RELN: variants seen among roughly 807,000 people sequenced by gnomAD.
RELN encodes the protein reelin.
A neutral mutation model predicts 427.6 loss-of-function variants in RELN; 108 were observed. The ratio of observed to expected loss-of-function variants is 0.25; its 90% CI spans 0.22 to 0.30. The LOEUF is 0.30. Among genes scored for constraint, RELN ranks in the 10% least tolerant of loss-of-function variants. RELN has a pLI of 1.00. For synonymous variants in RELN, 1,524 were observed against 1,513.4 expected (o/e 1.01, Z -0.16); for missense variants, 3,715 against 4,302.8 (o/e 0.86, Z 3.82).
rs190342438 is a variant in RELN at position 103,921,903 on chromosome 7, A to T, written c.227-4718T>A. On this transcript the variant is annotated intron_variant, in intron 1 of 64. Coordinates refer to ENST00000428762, the MANE Select transcript of RELN (RefSeq NM_005045.4). ...GTTAAGGTATTCAGGTGCAGGTTCA[A>T]ATGTCATCTCTCTCATGCAGTCTGT... 1.3e-3 allele frequency among the ~76,000 whole-genome samples: 202 copies of T among 152,264 alleles called. 2 individuals carry two copies. The highest frequency in any genetic ancestry group is 0.012 in the Admixed American group (179 of 15,280).
At position 103,755,007 on chromosome 7, in the gene RELN, T is replaced by C. The variant is rs58681329; in HGVS notation, c.545-1793A>G. On this transcript the variant is annotated intron_variant, in intron 4 of 64. Coordinates refer to ENST00000428762, the MANE Select transcript of RELN (RefSeq NM_005045.4). ...TTAAGGCACTGTGCTAAGGAGTGTC[T>C]ATAGATGAACTCAGGGATTTTGGCC... is the stretch of plus-strand genomic sequence containing the variant. 2.1e-3 allele frequency among the ~76,000 whole-genome samples: 325 copies of C among 152,272 alleles called. 2 individuals are homozygous for C. The highest frequency in any genetic ancestry group is 7.5e-3 in the African/African-American group (312 of 41,534).
intron 24 of RELN, among the ~76,000 whole-genome samples, chr7:103,598,198 G>C (rs1013234275): frequency 2.0e-5 from 3 of 152,158 alleles, no homozygotes; most frequent in Non-Finnish European, 2.9e-5. Flanking sequence ...AAATAAACAA[G>C]GGTGCTAGCA....
intron 1 of RELN, among the ~76,000 whole-genome samples, chr7:103,977,307 T>A (rs1301802785): frequency 1.8e-5 from 1 of 56,068 alleles, no homozygotes; most frequent in African/African-American, 1.6e-4. Flanking sequence ...TGAGACTCTG[T>A]CTCAAAAAAA....
At chr7:103,912,131 G>C (rs1353578578) in intron 2 of RELN, among the ~76,000 whole-genome samples, 1 of 151,006 alleles carries the variant, frequency 6.6e-6, no homozygotes, top group Non-Finnish European at 1.5e-5. Context: ...AAATTACAAA[G>C]AAAAAATTCC....
chr7:103,585,321 T>G (rs985812216), intron 28 of RELN, among the ~76,000 whole-genome samples: 1 of 151,854 alleles, frequency 6.6e-6, no homozygotes, highest in African/African-American at 2.4e-5. Context: ...TTATGCAAGA[T>G]GAAAAGAGAG....
intron 8 of RELN, among the ~76,000 whole-genome samples, chr7:103,707,258 T>G (rs577115911): frequency 2.0e-5 from 3 of 152,156 alleles, no homozygotes; most frequent in Admixed American, 6.5e-5. Flanking sequence ...TACACAAAGA[T>G]TAACCTTCTA....
chr7:103,475,566 TA>T (rs1186400358), intron 64 of RELN, among the ~76,000 whole-genome samples: 1 of 152,178 alleles, frequency 6.6e-6, no homozygotes, highest in African/African-American at 2.4e-5. Flanking sequence ...ATATTTTACA[TA>T]AAAAAAGATG....
chr7:103,668,676 C>G (rs575864686), intron 11 of RELN, among the ~76,000 whole-genome samples: 105 of 152,306 alleles, frequency 6.9e-4, no homozygotes, highest in African/African-American at 2.4e-3. Context: ...GGAGCAAGCA[C>G]ATGGAATAGT....
At chr7:103,548,781 G>A (rs939652732) in intron 41 of RELN, among the ~76,000 whole-genome samples, 10 of 152,106 alleles carry the variant, frequency 6.6e-5, no homozygotes, top group African/African-American at 1.4e-4. Flanking sequence ...CTTGCCTTAC[G>A]TGGAAACACA....
At chr7:103,565,144 T>C in intron 34 of RELN, 134 bp downstream of exon 34, 1 of 1,220,580 alleles carries the variant, frequency 8.2e-7, no homozygotes, top group Non-Finnish European at 1.2e-6. Flanking sequence ...ACCTTGCACT[T>C]TTTTTTCTTC....
chr7:103,567,165 T>C (rs532861190), intron 31 of RELN, among the ~76,000 whole-genome samples: 2 of 152,356 alleles, frequency 1.3e-5, no homozygotes, highest in South Asian at 4.1e-4. Flanking sequence ...TCTTTGCTGC[T>C]GACGCACTAG....
chr7:103,805,489 T>G (rs1004301020), intron 3 of RELN, among the ~76,000 whole-genome samples: 1 of 152,140 alleles, frequency 6.6e-6, no homozygotes. Context: ...GTTTTCAATG[T>G]TCTAGTCCTC....
intron 2 of RELN, among the ~76,000 whole-genome samples, chr7:103,837,460 C>T (rs959629296): frequency 6.6e-6 from 1 of 152,216 alleles, no homozygotes; most frequent in Non-Finnish European, 1.5e-5. Flanking sequence ...TAAGCACATG[C>T]TCTGCTTTCA....
At chr7:103,624,866 TA>T (rs1048612402) in intron 20 of RELN, among the ~76,000 whole-genome samples, 2 of 151,756 alleles carry the variant, frequency 1.3e-5, no homozygotes, top group Non-Finnish European at 2.9e-5. Context: ...ACTTGTGTTT[TA>T]AAAAAAAAGC....
At chr7:103,728,881 TTGGATAC>T (rs368685372) in intron 6 of RELN, among the ~76,000 whole-genome samples, 78 of 152,284 alleles carry the variant, frequency 5.1e-4, no homozygotes, top group African/African-American at 1.8e-3. Flanking sequence ...CAAGCACATT[TTGGATAC>T]TGAGCTATTA....
At position 103,767,617 on chromosome 7, in the gene RELN, T is replaced by C. The variant is rs563164812; in HGVS notation, c.544+8940A>G. On this transcript the variant is annotated intron_variant, in intron 4 of 64. Transcript: ENST00000428762. ...CAGCTCTTTTTAGGTTGTTCAGTAA[T>C]AATTGCTGCAAAAAAAACTGATTTC... Among the ~76,000 whole-genome samples, 4 of 152,286 alleles carry C rather than the reference T, an allele frequency of 2.6e-5. No homozygotes were observed. In the East Asian group the frequency reaches 5.8e-4, roughly 22 times the overall value.
chr7:103,777,915 A>ACACACACACACAC, intron 3 of RELN, among the ~76,000 whole-genome samples: 4 of 151,380 alleles, frequency 2.6e-5, no homozygotes, highest in East Asian at 1.9e-4. Context: ...ACACACACAC[A>ACACACACACACAC]ATGGCACAAT....
intron 28 of RELN, among the ~76,000 whole-genome samples, chr7:103,588,624 G>A (rs943864392): frequency 2.6e-5 from 4 of 152,118 alleles, no homozygotes; most frequent in African/African-American, 7.2e-5. Flanking sequence ...AAGTGTAAAA[G>A]CTAGTTATTA....
At chr7:103,971,754 C>G (rs984542031) in intron 1 of RELN, among the ~76,000 whole-genome samples, 1 of 152,100 alleles carries the variant, frequency 6.6e-6, no homozygotes, top group Non-Finnish European at 1.5e-5. Context: ...TTGAGCATCA[C>G]TGAATAAATA....
Sources: gnomAD v4.1 joint callset for allele counts (sites outside exome capture counted in the v4.1 genomes callset) on GRCh38, gnomAD v4.1.1 for gene constraint, MANE v1.5 for transcripts, NCBI Gene and HGNC (gene_info 2026-07-23, HGNC 2026-07-21) for gene names.